SLCO1C1: variants seen among roughly 807,000 people sequenced by gnomAD.
SLCO1C1 encodes OAT-RP-5.
A neutral mutation model predicts 76.4 loss-of-function variants in SLCO1C1; 70 were observed. That is an observed-to-expected ratio of 0.92 (90% confidence interval 0.76 to 1.12). The LOEUF (loss-of-function observed/expected upper bound fraction) is 1.12, where lower values mean the gene tolerates loss of function less well. SLCO1C1 is among the 50% of genes most tolerant of loss of function. The pLI is 0.00. For synonymous variants in SLCO1C1, 306 were observed against 286.1 expected (o/e 1.07, Z -0.70); for missense variants, 912 against 823.8 (o/e 1.11, Z -1.31).
intron 11 of SLCO1C1, among the ~76,000 whole-genome samples, chr12:20,737,853 A>C (rs998599838): frequency 6.6e-6 from 1 of 152,068 alleles, no homozygotes; most frequent in African/African-American, 2.4e-5. Context: ...TATAGGTAGG[A>C]ATCTATTTTA....
chr12:20,699,761 C>T (rs1946430674), intron 2 of SLCO1C1, 56 bp downstream of exon 2: 1 of 1,491,666 alleles, frequency 6.7e-7, no homozygotes, highest in Non-Finnish European at 9.0e-7. Context: ...GTCCAGATAT[C>T]ATCTATATAA....
intron 9 of SLCO1C1, among the ~76,000 whole-genome samples, chr12:20,732,186 T>G (rs1287036749): frequency 6.6e-6 from 1 of 152,188 alleles, no homozygotes; most frequent in African/African-American, 2.4e-5. Flanking sequence ...AAGGATACTA[T>G]TTCCCAAACC....
chr12:20,719,704 A>T (rs943066033), intron 7 of SLCO1C1, among the ~76,000 whole-genome samples: 1 of 152,214 alleles, frequency 6.6e-6, no homozygotes, highest in African/African-American at 2.4e-5. Context: ...GCTGAAAGAG[A>T]TGAGGAAGCT....
At chr12:20,736,342 G>GGT (rs891298129) in intron 10 of SLCO1C1, among the ~76,000 whole-genome samples, 19 of 151,064 alleles carry the variant, frequency 1.3e-4, no homozygotes, top group Middle Eastern at 3.4e-3. Context: ...ATTTTGGGGG[G>GGT]GGGTGCAAAT....
chr12:20,742,617 T>C (rs182635082), intron 12 of SLCO1C1, among the ~76,000 whole-genome samples: 3,784 of 151,970 alleles, frequency 0.025, 61 homozygotes, highest in Non-Finnish European at 0.041. Flanking sequence ...CCCTGCAAGC[T>C]CCGCCTCTCG....
chr12:20,723,496 TTAA>T (rs1380773087), intron 9 of SLCO1C1, among the ~76,000 whole-genome samples: 1 of 152,188 alleles, frequency 6.6e-6, no homozygotes, highest in Non-Finnish European at 1.5e-5. Flanking sequence ...GAGGAGTTTG[TTAA>T]TAATACTGGA....
intron 3 of SLCO1C1, among the ~76,000 whole-genome samples, chr12:20,705,197 A>G (rs1946715085): frequency 6.6e-6 from 1 of 152,034 alleles, no homozygotes; most frequent in Non-Finnish European, 1.5e-5. Flanking sequence ...GCTTCATTAG[A>G]GACATTTTAG....
chr12:20,748,645 C>A (rs1480213390), intron 13 of SLCO1C1, among the ~76,000 whole-genome samples: 1 of 151,948 alleles, frequency 6.6e-6, no homozygotes, highest in Non-Finnish European at 1.5e-5. Flanking sequence ...CATTTAGTTA[C>A]CTTTCTTTAT....
intron 9 of SLCO1C1, 63 bp downstream of exon 9, chr12:20,723,317 G>A (rs1400220480): frequency 1.0e-5 from 16 of 1,543,054 alleles, no homozygotes; most frequent in Middle Eastern, 1.7e-4. Flanking sequence ...TGATTAACTC[G>A]GGAATCTTCG....
At chr12:20,744,270 C>G (rs910515654) in intron 13 of SLCO1C1, among the ~76,000 whole-genome samples, 1 of 151,950 alleles carries the variant, frequency 6.6e-6, no homozygotes, top group Non-Finnish European at 1.5e-5. Flanking sequence ...CCATATCTAC[C>G]TGTGTTTGGG....
chr12:20,723,902 AG>A (rs1299705623), intron 9 of SLCO1C1, among the ~76,000 whole-genome samples: 1 of 152,158 alleles, frequency 6.6e-6, no homozygotes, highest in African/African-American at 2.4e-5. Context: ...CCTTTATGAT[AG>A]GAGACTCCAG....
rs763830684 is a variant in SLCO1C1, at chr12:20,699,685, C to A, written c.109C>A (p.Pro37Thr). The A allele has an allele frequency of 1.2e-6, 2 of 1,611,646 alleles. No homozygotes were observed. Among genetic ancestry groups the A allele is most frequent in the South Asian group, 1.1e-5 (1 of 90,882 alleles). Residue 37 changes from proline (P) to threonine (T), a missense_variant, in exon 2 of 15, where the codon CCA becomes ACA. Transcript: ENST00000266509. ...ATATCCCTCCTCAGAAGAAAAGCAA[C>A]CATGCTGTGGTGAACTAAAGGTAGA... ...TEYPSSEEKQ[P>T]CCGELKVFLC... is the part of the protein sequence containing the mutation.
At chr12:20,707,519 G>A (rs1285209663) in intron 4 of SLCO1C1, among the ~76,000 whole-genome samples, 3 of 152,026 alleles carry the variant, frequency 2.0e-5, no homozygotes, top group African/African-American at 7.2e-5. Context: ...ATGTGACAAT[G>A]GCTACACTAC....
At chr12:20,750,861 C>A (rs756265936) in intron 14 of SLCO1C1, 69 bp downstream of exon 14, 1 of 1,613,906 alleles carries the variant, frequency 6.2e-7, no homozygotes, top group Non-Finnish European at 8.5e-7. Context: ...GCCACTGACA[C>A]TAACAAGTTT....
Position 20,731,730 on chromosome 12 carries a change from T to C in SLCO1C1, c.1187-1179T>C, listed in dbSNP as rs150786137. 1.2e-4 allele frequency among the ~76,000 whole-genome samples: 18 copies of C among 152,314 alleles called. No homozygotes were observed. The East Asian group carries it at 3.3e-3, about 28-fold the overall frequency. ...AGTGCCAGATTGTTCTTCTTTAGAGTTACAATTTACAATCCAACAAATGGC... is the reference window on the plus strand; with the variant it reads ...AGTGCCAGATTGTTCTTCTTTAGAGCTACAATTTACAATCCAACAAATGGC... On this transcript the variant is annotated intron_variant, in intron 9 of 14. Transcript: ENST00000266509.
chr12:20,727,797 C>T (rs932495245), intron 9 of SLCO1C1, among the ~76,000 whole-genome samples: 1 of 152,360 alleles, frequency 6.6e-6, no homozygotes. Context: ...GCGTGAGCCA[C>T]TGCGCCCGGC....
At chr12:20,720,422 ATGATTTCTAG>A (rs1333292667) in intron 7 of SLCO1C1, among the ~76,000 whole-genome samples, 2 of 152,320 alleles carry the variant, frequency 1.3e-5, no homozygotes, top group African/African-American at 4.8e-5. Context: ...GTGATTTCTA[ATGATTTCTAG>A]TGATTTCTAA....
chr12:20,711,531 T>G, intron 5 of SLCO1C1, 21 bp downstream of exon 5: 1 of 1,609,834 alleles, frequency 6.2e-7, no homozygotes, highest in Non-Finnish European at 8.5e-7. Flanking sequence ...TTTTTTGACT[T>G]GACTAAACAA....
Position 20,752,575 on chromosome 12 carries a change from C to G in SLCO1C1, c.*47C>G. The G allele has an allele frequency of 7.0e-7, 1 of 1,433,812 alleles. No individual in the cohort carries two copies. The highest frequency in any genetic ancestry group is 9.4e-7 in the Non-Finnish European group (1 of 1,061,898). The allele number at this position is 1,433,812 out of a possible 1,614,324, so 88.8% of individuals were successfully genotyped here. ...TGTCTTCTAATTGGTTGACATTTTG[C>G]AAACAAATAAATTGTAATCAAAAGA... On this transcript the variant is annotated 3_prime_UTR_variant, in exon 15 of 15. Coordinates refer to ENST00000266509, the MANE Select transcript of SLCO1C1 (RefSeq NM_017435.5).
Sources: gnomAD v4.1 joint callset for allele counts (sites outside exome capture counted in the v4.1 genomes callset) on GRCh38, gnomAD v4.1.1 for gene constraint, MANE v1.5 for transcripts, NCBI Gene and HGNC (gene_info 2026-07-23, HGNC 2026-07-21) for gene names.